Variants in PACRG observed in about 807,000 individuals in gnomAD.
The protein encoded by PACRG is parkin coregulated gene protein.
A neutral mutation model predicts 29.7 loss-of-function variants in PACRG; 29 were observed. The observed-to-expected ratio is 0.98, with a 90% CI of 0.73 to 1.33. The LOEUF (loss-of-function observed/expected upper bound fraction) is 1.33, where lower values mean the gene tolerates loss of function less well. Ranked by LOEUF, PACRG falls within the 40% of genes most tolerant of loss-of-function variation. The pLI is 0.00. For missense variants in PACRG, 279 were observed against 316.2 expected (o/e 0.88, Z 0.89); for synonymous variants, 116 against 118.7 (o/e 0.98, Z 0.15).
intron 2 of PACRG, among the ~76,000 whole-genome samples, chr6:162,837,024 AT>A (rs779476776): frequency 2.0e-4 from 31 of 151,430 alleles, no homozygotes; most frequent in Middle Eastern, 3.4e-3. Flanking sequence ...AAATTTAAGT[AT>A]TTTTTTTTAA....
chr6:162,914,475 C>T (rs1436980160), intron 2 of PACRG, among the ~76,000 whole-genome samples: 1 of 145,732 alleles, frequency 6.9e-6, no homozygotes, highest in East Asian at 2.0e-4. Context: ...AATCAGGTAG[C>T]GTACATAAGG....
At chr6:163,280,173 T>C (rs1784181707) in intron 4 of PACRG, among the ~76,000 whole-genome samples, 1 of 152,180 alleles carries the variant, frequency 6.6e-6, no homozygotes, top group Non-Finnish European at 1.5e-5. Context: ...GCTCATGCTG[T>C]GTGCATGGGA....
chr6:163,141,025 A>T (rs1217610852), intron 4 of PACRG, among the ~76,000 whole-genome samples: 3 of 152,186 alleles, frequency 2.0e-5, no homozygotes, highest in Non-Finnish European at 2.9e-5. Flanking sequence ...TCCTAAGCAC[A>T]GTGTGATAAA....
At chr6:162,919,039 C>A (rs138611192) in intron 2 of PACRG, among the ~76,000 whole-genome samples, 244 of 151,944 alleles carry the variant, frequency 1.6e-3, no homozygotes, top group African/African-American at 5.5e-3. Context: ...GGGATGAAGC[C>A]CTACAGAAGC....
intron 2 of PACRG, among the ~76,000 whole-genome samples, chr6:163,010,973 G>C (rs552279215): frequency 6.6e-6 from 1 of 152,198 alleles, no homozygotes; most frequent in Non-Finnish European, 1.5e-5. Flanking sequence ...TGAGATGTGC[G>C]GCCCAGAGGA....
chr6:162,898,946 C>A (rs915619774), intron 2 of PACRG, among the ~76,000 whole-genome samples: 1 of 152,132 alleles, frequency 6.6e-6, no homozygotes, highest in Non-Finnish European at 1.5e-5. Flanking sequence ...AGTATCTAGA[C>A]ACATTATTTA....
At chr6:162,902,242 G>A (rs1478391201) in intron 2 of PACRG, among the ~76,000 whole-genome samples, 1 of 152,186 alleles carries the variant, frequency 6.6e-6, no homozygotes, top group Non-Finnish European at 1.5e-5. Flanking sequence ...TTTTACATGT[G>A]ATTATAGCTT....
intron 4 of PACRG, among the ~76,000 whole-genome samples, chr6:163,264,986 A>G (rs1425097230): frequency 1.3e-5 from 2 of 152,178 alleles, no homozygotes; most frequent in Admixed American, 6.5e-5. Context: ...TGATAATTCT[A>G]TGGTGATAGA....
At chr6:163,131,568 G>C (rs1816741754) in intron 4 of PACRG, among the ~76,000 whole-genome samples, 1 of 152,114 alleles carries the variant, frequency 6.6e-6, no homozygotes, top group Non-Finnish European at 1.5e-5. Context: ...TTTACACTAT[G>C]AGACACTTGT....
chr6:163,204,455 C>T (rs1206757012), intron 4 of PACRG, among the ~76,000 whole-genome samples: 2 of 152,184 alleles, frequency 1.3e-5, no homozygotes, highest in Non-Finnish European at 2.9e-5. Context: ...GAAACACTGA[C>T]AGAGATGAAA....
At chr6:163,040,785 AC>A (rs1371509533) in intron 2 of PACRG, among the ~76,000 whole-genome samples, 2 of 152,024 alleles carry the variant, frequency 1.3e-5, no homozygotes, top group Non-Finnish European at 2.9e-5. Flanking sequence ...CAATGCCTGT[AC>A]CCCCATTGTA....
chr6:162,945,409 G>A (rs2128124014), intron 2 of PACRG, among the ~76,000 whole-genome samples: 2 of 151,796 alleles, frequency 1.3e-5, no homozygotes, highest in South Asian at 4.2e-4. Context: ...AAAAAATGAA[G>A]GTTATTATAT....
intron 4 of PACRG, among the ~76,000 whole-genome samples, chr6:163,218,146 CAG>C (rs1781436278): frequency 1.3e-5 from 2 of 152,092 alleles, no homozygotes; most frequent in Admixed American, 6.5e-5. Context: ...CAAAAGAAAA[CAG>C]AAACTATCAC....
chr6:162,869,415 A>T (rs1268088977), intron 2 of PACRG, among the ~76,000 whole-genome samples: 1 of 152,146 alleles, frequency 6.6e-6, no homozygotes, highest in Non-Finnish European at 1.5e-5. Context: ...ACTAATCCTT[A>T]TTTTATGAGA....
In PACRG at chr6:163,213,068, A is replaced by G. The variant is rs182575826; in HGVS notation, c.614-101759A>G. On this transcript the variant is annotated intron_variant, in intron 4 of 4. Transcript: ENST00000366888. ...GCTGGGATTACAGGCATGAGCCACCATGCCCAACCAGAAACTGACAATCTT... is the reference window on the plus strand; with the variant it reads ...GCTGGGATTACAGGCATGAGCCACCGTGCCCAACCAGAAACTGACAATCTT... Among the ~76,000 whole-genome samples the G allele has an allele frequency of 2.8e-4, 43 of 152,242 alleles. No individual in the cohort carries two copies. The East Asian group carries it at 2.9e-3, about 10-fold the overall frequency.
At chr6:163,205,225 T>G (rs1423462048) in intron 4 of PACRG, among the ~76,000 whole-genome samples, 2 of 152,142 alleles carry the variant, frequency 1.3e-5, no homozygotes, top group Non-Finnish European at 2.9e-5. Flanking sequence ...ATTTTAAAAT[T>G]TATGTGGAAC....
rs9355423 is a variant in PACRG at position 163,101,334 on chromosome 6, C to T, written c.613+11926C>T. ...TATTTTAAGCTTTGTGTTTGACCTG[C>T]ATGCTAGTTGGATATTTATTTGTGT... On this transcript the variant is annotated intron_variant, in intron 4 of 4. Coordinates refer to ENST00000366888, the MANE Select transcript of PACRG (RefSeq NM_001080379.2). The T allele has an allele frequency of 5.5e-4, 541 of 981,498 alleles. 11 individuals carry two copies. In the East Asian group the frequency reaches 0.045, roughly 82 times the overall value. The allele number at this position is 981,498 out of a possible 1,614,324, so 60.8% of individuals were successfully genotyped here.
chr6:162,799,825 A>G lies in PACRG; in HGVS notation c.157-14322A>G, dbSNP rs548217010. Among the ~76,000 whole-genome samples the G allele has an allele frequency of 8.5e-5, 13 of 152,330 alleles. No individual in the cohort carries two copies. The Middle Eastern group carries it at 0.01, about 120-fold the overall frequency. On this transcript the variant is annotated intron_variant, in intron 1 of 4. Transcript: ENST00000366888. ...TAATAGTCTCTTAATAGATACAAAA[A>G]TAACATTTTTTACTCTAATTATTCA...
intron 2 of PACRG, among the ~76,000 whole-genome samples, chr6:162,954,964 C>T (rs1206587886): frequency 3.9e-5 from 6 of 152,198 alleles, no homozygotes; most frequent in Non-Finnish European, 8.8e-5. Flanking sequence ...TCCATCGTGA[C>T]AAACCAGTTG....
Sources: allele counts gnomAD v4.1 joint callset (sites outside exome capture counted in the v4.1 genomes callset), GRCh38; gene constraint gnomAD v4.1.1; transcripts MANE v1.5; gene names NCBI Gene and HGNC (gene_info 2026-07-23, HGNC 2026-07-21).